NDNF: variants seen among roughly 807,000 people sequenced by gnomAD.
The protein encoded by NDNF is neuron derived neurotrophic factor.
Under a neutral mutation model 42.0 loss-of-function variants are expected in NDNF, and 16 were observed. The ratio of observed to expected loss-of-function variants is 0.38; its 90% CI spans 0.26 to 0.58. NDNF has a LOEUF of 0.58. NDNF is among the 20% of genes least tolerant of loss of function. The probability of loss-of-function intolerance (pLI) is 0.67; values close to 1 mark genes in which losing one functional copy is unlikely to be tolerated. For synonymous variants in NDNF, 248 were observed against 251.7 expected, an observed-to-expected ratio of 0.99 and a Z score of 0.14; for missense variants, 616 against 666.2, an observed-to-expected ratio of 0.92 and a Z score of 0.83.
At chr4:121,048,446 G>C (rs1251156820) in intron 1 of NDNF, among the ~76,000 whole-genome samples, 1 of 152,140 alleles carries the variant, frequency 6.6e-6, no homozygotes, top group Non-Finnish European at 1.5e-5. Context: ...GGGATATTTA[G>C]GTCAGCCCGA....
chr4:121,037,374 G>A lies in NDNF; in HGVS notation c.597C>T (p.Ser199=). Residue 199 remains serine (S), a synonymous_variant, in exon 4 of 4, where the codon AGC becomes AGT. Coordinates refer to ENST00000379692, the MANE Select transcript of NDNF (RefSeq NM_024574.4). ...RTTVTLAWKP[S]PTASLLKQPI... is the part of the protein sequence containing the mutation. ...GTTGTTTCAGCAAAGAGGCAGTGGG[G>A]CTTGGTTTCCAGGCCAAAGTGACCG... 6.2e-7 allele frequency: 1 copy of A among 1,614,158 alleles called. No individual in the cohort carries two copies. Among genetic ancestry groups the A allele is most frequent in the Admixed American group, 1.7e-5 (1 of 60,000 alleles).
In NDNF at chr4:121,055,298, T is replaced by C. The variant is rs17432528; in HGVS notation, c.-1-9460A>G. On this transcript the variant is annotated intron_variant, in intron 1 of 3. Transcript: ENST00000379692. The stretch of plus-strand genomic sequence containing the variant: ...CTACTGCAGTTGTCCATGGTAGAGA[T>C]GGTGGTTTTTTCAGCTTTGTAGAGG... 6.3e-3 allele frequency among the ~76,000 whole-genome samples: 953 copies of C among 152,254 alleles called. 4 individuals carry two copies. The highest frequency in any genetic ancestry group is 0.011 in the Non-Finnish European group (720 of 68,016).
chr4:121,053,980 G>A (rs747953139), intron 1 of NDNF, among the ~76,000 whole-genome samples: 2 of 152,196 alleles, frequency 1.3e-5, no homozygotes, highest in African/African-American at 2.4e-5. Context: ...GCAACAGCAC[G>A]TATCAGCCTG....
At chr4:121,052,223 A>G (rs1727210583) in intron 1 of NDNF, among the ~76,000 whole-genome samples, 1 of 152,222 alleles carries the variant, frequency 6.6e-6, no homozygotes, top group Non-Finnish European at 1.5e-5. Flanking sequence ...TAAATATAAC[A>G]TAAAGTATAA....
Position 121,037,455 on chromosome 4 carries a change from T to C in NDNF, c.516A>G (p.Pro172=), listed in dbSNP as rs1359640865. Residue 172 remains proline (P), a synonymous_variant, in exon 4 of 4, where the codon CCA becomes CCG. Coordinates refer to ENST00000379692, the MANE Select transcript of NDNF (RefSeq NM_024574.4). ...YATTTPESDQ[P]YPELPYDPRV... is the part of the protein sequence containing the mutation. ...TTGGGTCATAGGGTAACTCAGGGTATGGCTGATCAGATTCTGGAGTTGTGG... is the reference window on the plus strand; with the variant it reads ...TTGGGTCATAGGGTAACTCAGGGTACGGCTGATCAGATTCTGGAGTTGTGG... The C allele has an allele frequency of 6.2e-7, 1 of 1,614,060 alleles. No homozygotes were observed. Among genetic ancestry groups the C allele is most frequent in the East Asian group, 2.2e-5 (1 of 44,892 alleles).
chr4:121,070,749 TAAC>T (rs942126636), intron 1 of NDNF, among the ~76,000 whole-genome samples: 20 of 151,836 alleles, frequency 1.3e-4, no homozygotes, highest in Non-Finnish European at 2.2e-4. Context: ...GGAAAAAACA[TAAC>T]AACAACAACA....
intron 1 of NDNF, among the ~76,000 whole-genome samples, chr4:121,056,215 G>A (rs17432556): frequency 7.2e-4 from 110 of 152,244 alleles, no homozygotes; most frequent in African/African-American, 1.7e-3. Flanking sequence ...GGAATAATCC[G>A]GAATGTAGCG....
intron 1 of NDNF, among the ~76,000 whole-genome samples, chr4:121,055,279 C>T (rs1373504089): frequency 6.6e-6 from 1 of 152,120 alleles, no homozygotes; most frequent in Non-Finnish European, 1.5e-5. Flanking sequence ...AAGGCTACTG[C>T]AGTTGTCCAT....
At position 121,036,411 on chromosome 4, in the gene NDNF, A is replaced by T. The variant is rs374404232; in HGVS notation, c.1560T>A (p.Ser520Arg). 2.5e-5 allele frequency: 40 copies of T among 1,614,108 alleles called. No homozygotes were observed. The highest frequency in any genetic ancestry group is 3.3e-5 in the Non-Finnish European group (39 of 1,180,014). Reference sequence around the variant, plus strand: ...TGGTCACTGCTTTCTGCAGGTTTTGACTGTGGAAATATTTACAGAGGACCT... The same window carrying T: ...TGGTCACTGCTTTCTGCAGGTTTTGTCTGTGGAAATATTTACAGAGGACCT... ...SEKVLCKYFHSQNLQKAVTTE... is the reference protein window; with the variant it reads ...SEKVLCKYFHRQNLQKAVTTE... The change falls in exon 4 of 4, where the codon AGT becomes AGA. Residue 520 changes from serine (S) to arginine (R), a missense_variant. Transcript: ENST00000379692.
rs141394862 is a variant in NDNF, at chr4:121,058,641, T to C, written c.-1-12803A>G. Among the ~76,000 whole-genome samples, 443 of 152,230 alleles carry C rather than the reference T, an allele frequency of 2.9e-3. 10 individuals carry two copies. In the East Asian group the frequency reaches 0.036, roughly 12 times the overall value. ...CTTTCCAATTATGAAACTAGGGACT[T>C]CCACACTATCTGACTTTTCAATCCC... On this transcript the variant is annotated intron_variant, in intron 1 of 3. Transcript: ENST00000379692.
chr4:121,046,226 C>A (rs1020494486), intron 1 of NDNF, among the ~76,000 whole-genome samples: 2 of 152,106 alleles, frequency 1.3e-5, no homozygotes, highest in African/African-American at 4.8e-5. Context: ...GTTTTTTGAA[C>A]TATTATAAAA....
At chr4:121,039,185 T>C (rs1246418028) in intron 3 of NDNF, among the ~76,000 whole-genome samples, 1 of 10,084 alleles carries the variant, frequency 9.9e-5, no homozygotes, top group African/African-American at 1.5e-4. Flanking sequence ...ACTATGTGTG[T>C]GTGTGTGTAT....
At chr4:121,040,285 AC>A (rs1472083380) in intron 2 of NDNF, among the ~76,000 whole-genome samples, 1 of 152,222 alleles carries the variant, frequency 6.6e-6, no homozygotes, top group African/African-American at 2.4e-5. Context: ...AGGATCTGCA[AC>A]CAGATTTATC....
intron 1 of NDNF, among the ~76,000 whole-genome samples, chr4:121,055,168 T>A (rs925762998): frequency 6.6e-6 from 1 of 152,294 alleles, no homozygotes; most frequent in Non-Finnish European, 1.5e-5. Flanking sequence ...CAAGCTTTTT[T>A]AGGAATAACC....
chr4:121,062,869 G>A (rs1170634622), intron 1 of NDNF, among the ~76,000 whole-genome samples: 2 of 152,122 alleles, frequency 1.3e-5, no homozygotes, highest in African/African-American at 2.4e-5. Flanking sequence ...TGCTTTGTAC[G>A]TGTGAATAAA....
Position 121,037,587 on chromosome 4 carries a change from G to T in NDNF, c.384C>A (p.Tyr128Ter), listed in dbSNP as rs769685092. ...INEEGTELFSYKGNDVEYFIS... is the reference protein window; with the variant it reads ...INEEGTELFS ...TAAAATACTCAACATCATTGCCTTT[G>T]TAGGAGAATAACTCAGTGCCTTCCT... is the stretch of plus-strand genomic sequence containing the variant. The change falls in exon 4 of 4, where the codon TAC (tyrosine) becomes TAA (stop). Residue 128 changes from tyrosine to a stop codon, truncating the protein, a stop_gained. Transcript: ENST00000379692. LOFTEE classifies it high-confidence loss of function. 22 of 1,611,558 alleles carry T rather than the reference G, an allele frequency of 1.4e-5. No homozygotes were observed. The highest frequency in any genetic ancestry group is 1.9e-5 in the Non-Finnish European group (22 of 1,179,650).
chr4:121,044,892 G>A (rs1303748221), intron 2 of NDNF, among the ~76,000 whole-genome samples: 1 of 152,122 alleles, frequency 6.6e-6, no homozygotes, highest in East Asian at 1.9e-4. Context: ...ATTCATCCCG[G>A]GATGTTGAGG....
intron 1 of NDNF, among the ~76,000 whole-genome samples, chr4:121,055,188 G>A (rs1727269650): frequency 6.6e-6 from 1 of 152,138 alleles, no homozygotes; most frequent in African/African-American, 2.4e-5. Flanking sequence ...CCTGTCTATT[G>A]TGCAGAAAAT....
At chr4:121,070,566 C>T (rs1727573394) in intron 1 of NDNF, among the ~76,000 whole-genome samples, 1 of 151,584 alleles carries the variant, frequency 6.6e-6, no homozygotes. Context: ...AGCGAGGCAG[C>T]AGGAGGAGGG....
Sources: gnomAD v4.1 joint callset for allele counts (sites outside exome capture counted in the v4.1 genomes callset) on GRCh38, gnomAD v4.1.1 for gene constraint, MANE v1.5 for transcripts, NCBI Gene and HGNC (gene_info 2026-07-23, HGNC 2026-07-21) for gene names.